MGMT: variants seen among roughly 807,000 people sequenced by gnomAD.
MGMT encodes O-6-methylguanine-DNA methyltransferase, also known as methylated-DNA--protein-cysteine methyltransferase.
Under a neutral mutation model 15.9 loss-of-function variants are expected in MGMT, and 14 were observed. The observed-to-expected ratio is 0.88, with a 90% CI of 0.58 to 1.37. The LOEUF is 1.37. Among genes scored for constraint, MGMT ranks in the 40% most tolerant of loss-of-function variants. The pLI, the probability that MGMT is intolerant of heterozygous loss-of-function variation, is 0.00. For synonymous variants in MGMT, 130 were observed against 118.2 expected (o/e 1.10, Z -0.65); for missense variants, 282 against 268.1 (o/e 1.05, Z -0.36).
Position 129,743,787 on chromosome 10 carries a change from A to G in MGMT, c.275-15415A>G, listed in dbSNP as rs747446627. 7.9e-5 allele frequency among the ~76,000 whole-genome samples: 12 copies of G among 152,334 alleles called. 1 individual carries two copies. The highest frequency in any genetic ancestry group is 3.9e-4 in the East Asian group (2 of 5,180). On this transcript the variant is annotated intron_variant, in intron 3 of 4. Coordinates refer to ENST00000651593, the MANE Select transcript of MGMT (RefSeq NM_002412.5). ...CATAGCCGCTGTGTCATATGCGTAT[A>G]TATAATAGTGTGTAAGGCGTATGGA...
intron 2 of MGMT, among the ~76,000 whole-genome samples, chr10:129,611,087 C>T (rs1846954173): frequency 6.6e-6 from 1 of 152,186 alleles, no homozygotes. Context: ...AAGAACACAT[C>T]AACTCCTAGG....
intron 2 of MGMT, among the ~76,000 whole-genome samples, chr10:129,685,900 T>A (rs1847899499): frequency 6.6e-6 from 1 of 152,256 alleles, no homozygotes; most frequent in South Asian, 2.1e-4. Flanking sequence ...TTCTTATTTA[T>A]GTGCAACTGT....
At chr10:129,605,282 T>C (rs1368118831) in intron 2 of MGMT, among the ~76,000 whole-genome samples, 1 of 152,150 alleles carries the variant, frequency 6.6e-6, no homozygotes, top group Non-Finnish European at 1.5e-5. Flanking sequence ...TATTATTTTT[T>C]AAAAAACTTA....
rs201820475 is a variant in MGMT at position 129,536,381 on chromosome 10, A to G, written c.125+4A>G. Reference sequence around the variant, plus strand: ...GCAAGGGGACGTCTGCAGCTGAGTAAGTATGAGCCCACGTGATCCTGTATA... The same window carrying G: ...GCAAGGGGACGTCTGCAGCTGAGTAGGTATGAGCCCACGTGATCCTGTATA... On this transcript the variant is annotated splice_donor_region_variant and intron_variant, in intron 2 of 4. Coordinates refer to ENST00000651593, the MANE Select transcript of MGMT (RefSeq NM_002412.5). The G allele has an allele frequency of 1.9e-6, 3 of 1,611,386 alleles. No individual in the cohort carries two copies. The highest frequency in any genetic ancestry group is 2.5e-6 in the Non-Finnish European group (3 of 1,179,356).
intron 2 of MGMT, among the ~76,000 whole-genome samples, chr10:129,603,292 A>C (rs1846846732): frequency 6.6e-6 from 1 of 152,218 alleles, no homozygotes; most frequent in Non-Finnish European, 1.5e-5. Flanking sequence ...TGTTTCTCTG[A>C]TAGCATGAAA....
chr10:129,673,360 C>A (rs1238702334), intron 2 of MGMT, among the ~76,000 whole-genome samples: 1 of 152,222 alleles, frequency 6.6e-6, no homozygotes, highest in African/African-American at 2.4e-5. Flanking sequence ...TGCCCACCTC[C>A]CCATCTTCCT....
At chr10:129,480,753 C>A (rs1845349078) in intron 1 of MGMT, among the ~76,000 whole-genome samples, 1 of 152,216 alleles carries the variant, frequency 6.6e-6, no homozygotes, top group Non-Finnish European at 1.5e-5. Flanking sequence ...CTTTTATCAT[C>A]AGCAGCAGAT....
chr10:129,514,176 C>T (rs149386746), intron 1 of MGMT, among the ~76,000 whole-genome samples: 15 of 152,126 alleles, frequency 9.9e-5, no homozygotes, highest in African/African-American at 3.4e-4. Flanking sequence ...TATTTTTGTT[C>T]GTGTTTGAAA....
At chr10:129,646,754 A>ATATATATATATATATATATTTTTTTT in intron 2 of MGMT, among the ~76,000 whole-genome samples, 17 of 86,638 alleles carry the variant, frequency 2.0e-4, no homozygotes, top group Non-Finnish European at 1.5e-4. Context: ...ATATATATAT[A>ATATATATATATATATATATTTTTTTT]TTTTCAGGGA....
intron 1 of MGMT, among the ~76,000 whole-genome samples, chr10:129,520,979 A>G (rs999160441): frequency 8.1e-6 from 1 of 123,420 alleles, no homozygotes; most frequent in South Asian, 2.4e-4. Context: ...GTGAGGGTGC[A>G]GAGCCCCTAC....
intron 1 of MGMT, among the ~76,000 whole-genome samples, chr10:129,503,507 T>C (rs976343624): frequency 6.6e-6 from 1 of 152,196 alleles, no homozygotes; most frequent in African/African-American, 2.4e-5. Context: ...GGTGTTGCAA[T>C]AAGGGAGGGA....
intron 2 of MGMT, among the ~76,000 whole-genome samples, chr10:129,594,642 A>G (rs1385027399): frequency 6.6e-6 from 1 of 152,300 alleles, no homozygotes; most frequent in East Asian, 1.9e-4. Context: ...TGTTCCCATC[A>G]GCTCCAGCGC....
intron 1 of MGMT, among the ~76,000 whole-genome samples, chr10:129,483,830 T>G (rs1405886474): frequency 6.6e-6 from 1 of 151,966 alleles, no homozygotes. Flanking sequence ...TTTCTGATTT[T>G]GGATTTTTTT....
At chr10:129,478,626 C>T (rs2152151) in intron 1 of MGMT, among the ~76,000 whole-genome samples, 1 of 152,150 alleles carries the variant, frequency 6.6e-6, no homozygotes, top group African/African-American at 2.4e-5. Context: ...AATTGTCAGC[C>T]TTTTCCTGAA....
At chr10:129,760,855 A>G (rs2133186690) in intron 4 of MGMT, among the ~76,000 whole-genome samples, 1 of 152,304 alleles carries the variant, frequency 6.6e-6, no homozygotes, top group South Asian at 2.1e-4. Flanking sequence ...TTTTGGTGAC[A>G]GTGGCTGGTG....
At chr10:129,567,603 C>T (rs930549721) in intron 2 of MGMT, among the ~76,000 whole-genome samples, 11 of 152,118 alleles carry the variant, frequency 7.2e-5, no homozygotes, top group African/African-American at 2.4e-4. Context: ...GAAAAAAAAC[C>T]TCCTGGAGTC....
chr10:129,645,361 A>T (rs1847375910), intron 2 of MGMT, among the ~76,000 whole-genome samples: 1 of 152,190 alleles, frequency 6.6e-6, no homozygotes, highest in East Asian at 1.9e-4. Context: ...ACCTCAGGTG[A>T]TCCACCCACC....
chr10:129,694,475 G>A (rs1448107610), intron 2 of MGMT, among the ~76,000 whole-genome samples: 1 of 152,182 alleles, frequency 6.6e-6, no homozygotes, highest in East Asian at 1.9e-4. Flanking sequence ...GATTTTTGAA[G>A]AGGAGGAAAA....
At chr10:129,497,857 G>C (rs1053579262) in intron 1 of MGMT, among the ~76,000 whole-genome samples, 2 of 152,206 alleles carry the variant, frequency 1.3e-5, no homozygotes, top group Non-Finnish European at 2.9e-5. Context: ...GGTGCTCTCT[G>C]TGAACCAGGA....
Sources: gnomAD v4.1 joint callset for allele counts (sites outside exome capture counted in the v4.1 genomes callset) on GRCh38, gnomAD v4.1.1 for gene constraint, MANE v1.5 for transcripts, NCBI Gene and HGNC (gene_info 2026-07-23, HGNC 2026-07-21) for gene names.